The following UNC5C variants were observed in gnomAD, a reference collection of about 807,000 sequenced individuals.
UNC5C encodes unc-5 netrin receptor C, also known as netrin receptor UNC5C.
UNC5C carries 47 observed loss-of-function variants against 99.8 expected under a neutral mutation model. The ratio of observed to expected loss-of-function variants is 0.47; its 90% CI spans 0.37 to 0.60. The LOEUF (loss-of-function observed/expected upper bound fraction) is 0.60, where lower values mean the gene tolerates loss of function less well. UNC5C is among the 20% of genes least tolerant of loss of function. The probability of loss-of-function intolerance (pLI) is 0.00; values close to 1 mark genes in which losing one functional copy is unlikely to be tolerated. For missense variants in UNC5C, 1,062 were observed against 1,165.9 expected (o/e 0.91, Z 1.30); for synonymous variants, 487 against 452.2 (o/e 1.08, Z -0.98).
At chr4:95,277,458 G>T (rs1740904665) in intron 4 of UNC5C, among the ~76,000 whole-genome samples, 1 of 152,152 alleles carries the variant, frequency 6.6e-6, no homozygotes, top group Non-Finnish European at 1.5e-5. Context: ...CATTTAAAGG[G>T]TAACCTGTTT....
chr4:95,519,399 G>C (rs899452578), intron 1 of UNC5C, among the ~76,000 whole-genome samples: 1 of 151,984 alleles, frequency 6.6e-6, no homozygotes, highest in East Asian at 1.9e-4. Flanking sequence ...TCCCCCTTAA[G>C]AGACCCATAG....
At chr4:95,484,927 C>T (rs1040927419) in intron 1 of UNC5C, among the ~76,000 whole-genome samples, 2 of 151,708 alleles carry the variant, frequency 1.3e-5, no homozygotes, top group African/African-American at 4.8e-5. Context: ...TATTTTTGAA[C>T]CTGTAAACAC....
At chr4:95,409,073 G>A (rs541127420) in intron 1 of UNC5C, among the ~76,000 whole-genome samples, 2 of 152,230 alleles carry the variant, frequency 1.3e-5, no homozygotes, top group South Asian at 4.1e-4. Context: ...TAGATTATTT[G>A]ATTCTCTTAT....
At chr4:95,541,877 A>T (rs939779978) in intron 1 of UNC5C, among the ~76,000 whole-genome samples, 4 of 152,176 alleles carry the variant, frequency 2.6e-5, no homozygotes, top group African/African-American at 9.6e-5. Flanking sequence ...ATGATTAAAT[A>T]ATCAATTAAG....
intron 1 of UNC5C, among the ~76,000 whole-genome samples, chr4:95,467,255 CT>C (rs1747810585): frequency 6.6e-6 from 1 of 152,146 alleles, no homozygotes; most frequent in African/African-American, 2.4e-5. Flanking sequence ...TTGTTTTAAG[CT>C]GCTAAATGTT....
At chr4:95,315,963 T>C (rs1742461112) in intron 2 of UNC5C, among the ~76,000 whole-genome samples, 1 of 152,192 alleles carries the variant, frequency 6.6e-6, no homozygotes, top group South Asian at 2.1e-4. Context: ...ATGCATTTAC[T>C]TCATATCTTA....
intron 2 of UNC5C, among the ~76,000 whole-genome samples, chr4:95,314,712 C>T (rs891267676): frequency 1.3e-5 from 2 of 152,172 alleles, no homozygotes; most frequent in African/African-American, 4.8e-5. Flanking sequence ...AGCTCTCTAG[C>T]TGCTATTCAA....
intron 3 of UNC5C, among the ~76,000 whole-genome samples, chr4:95,290,472 T>A (rs754639172): frequency 9.2e-5 from 14 of 152,196 alleles, no homozygotes; most frequent in Non-Finnish European, 1.8e-4. Context: ...TGCAACTGTG[T>A]GCAATGAACT....
chr4:95,534,559 T>C (rs1044414738), intron 1 of UNC5C, among the ~76,000 whole-genome samples: 2 of 152,168 alleles, frequency 1.3e-5, no homozygotes, highest in Non-Finnish European at 2.9e-5. Context: ...CAGTACACTT[T>C]CATTTTACAA....
intron 1 of UNC5C, among the ~76,000 whole-genome samples, chr4:95,515,210 T>C (rs1722181447): frequency 6.6e-6 from 1 of 152,180 alleles, no homozygotes; most frequent in Non-Finnish European, 1.5e-5. Context: ...TAGTAGTATA[T>C]ATGTAATTAA....
rs1265176376 is a variant in UNC5C, at chr4:95,310,025, A to G, written c.347-8276T>C. ...CTTGGCTATTCACAATAGCCAAGAC[A>G]TGGGATTAACCTAAGTGTCCATCAA... is the stretch of plus-strand genomic sequence containing the variant. On this transcript the variant is annotated intron_variant, in intron 2 of 15. Coordinates refer to ENST00000453304, the MANE Select transcript of UNC5C (RefSeq NM_003728.4). Among the ~76,000 whole-genome samples, 7 of 152,210 alleles carry G rather than the reference A, an allele frequency of 4.6e-5. No homozygotes were observed. The South Asian group carries it at 1.2e-3, about 27-fold the overall frequency.
chr4:95,525,945 T>C (rs1193809190), intron 1 of UNC5C, among the ~76,000 whole-genome samples: 1 of 152,180 alleles, frequency 6.6e-6, no homozygotes, highest in African/African-American at 2.4e-5. Flanking sequence ...TGTTACTTTC[T>C]AAAACACATT....
chr4:95,335,531 C>A lies in UNC5C; in HGVS notation c.225G>T (p.Lys75Asn). ...LIEPEEAYIV[K>N]NKPVNLYCKA... Reference sequence around the variant, plus strand: ...TACAGTACAGGTTCACGGGCTTATTCTTCACAATATAAGCTTCTTCAGGCT... The same window carrying A: ...TACAGTACAGGTTCACGGGCTTATTATTCACAATATAAGCTTCTTCAGGCT... The change falls in exon 2 of 16, where the codon AAG (lysine) becomes AAT (asparagine). Residue 75 changes from lysine to asparagine, a missense_variant. Transcript: ENST00000453304. 6.2e-7 allele frequency: 1 copy of A among 1,612,298 alleles called. No homozygotes were observed. The highest frequency in any genetic ancestry group is 1.1e-5 in the South Asian group (1 of 90,998).
chr4:95,351,029 T>A (rs1743968751), intron 1 of UNC5C, among the ~76,000 whole-genome samples: 1 of 152,160 alleles, frequency 6.6e-6, no homozygotes, highest in African/African-American at 2.4e-5. Context: ...AACTGGGGAC[T>A]AGAGCCTGGC....
chr4:95,501,867 A>G (rs1196318080), intron 1 of UNC5C, among the ~76,000 whole-genome samples: 3 of 152,138 alleles, frequency 2.0e-5, no homozygotes, highest in Non-Finnish European at 4.4e-5. Flanking sequence ...TTTGAAAAAT[A>G]TATACATATA....
At chr4:95,382,402 T>G (rs1048102289) in intron 1 of UNC5C, among the ~76,000 whole-genome samples, 3 of 150,420 alleles carry the variant, frequency 2.0e-5, no homozygotes, top group African/African-American at 7.4e-5. Context: ...GTGGCTGCAG[T>G]GAGCTGAGAC....
rs759453627 is a variant in UNC5C at position 95,183,063 on chromosome 4, T to TAAAGG, written c.2287-7_2287-3dup. 1.6e-5 allele frequency: 25 copies of TAAAGG among 1,603,278 alleles called. No homozygotes were observed. The African/African-American group carries it at 3.2e-4, about 21-fold the overall frequency. On this transcript the variant is annotated splice_polypyrimidine_tract_variant and splice_region_variant and intron_variant, in intron 13 of 15. Coordinates refer to ENST00000453304, the MANE Select transcript of UNC5C (RefSeq NM_003728.4). ...CCAAACATGGTAAAATGGAATTTCCTAAAGGATATGAAAGTGTTAACCACA... is the reference window on the plus strand; with the variant it reads ...CCAAACATGGTAAAATGGAATTTCCTAAAGGAAAGGATATGAAAGTGTTAACCACA...
intron 1 of UNC5C, among the ~76,000 whole-genome samples, chr4:95,424,667 G>GC (rs1207790480): frequency 3.3e-5 from 5 of 151,176 alleles, no homozygotes; most frequent in African/African-American, 1.2e-4. Flanking sequence ...GACTACAGGT[G>GC]CCCCCCACCA....
intron 4 of UNC5C, among the ~76,000 whole-genome samples, chr4:95,252,975 T>C (rs1269878879): frequency 6.6e-6 from 1 of 152,224 alleles, no homozygotes; most frequent in Admixed American, 6.5e-5. Flanking sequence ...ATGAAACAAA[T>C]GAATTTCATG....
Sources: gnomAD v4.1 joint callset for allele counts (sites outside exome capture counted in the v4.1 genomes callset) on GRCh38, gnomAD v4.1.1 for gene constraint, MANE v1.5 for transcripts, NCBI Gene and HGNC (gene_info 2026-07-23, HGNC 2026-07-21) for gene names.